Variants in MALRD1 observed in about 807,000 individuals in gnomAD.
The protein encoded by MALRD1 is MAM and LDL-receptor class A domain-containing protein 1.
Under a neutral mutation model 242.1 loss-of-function variants are expected in MALRD1, and 247 were observed. The ratio of observed to expected loss-of-function variants is 1.02; its 90% CI spans 0.92 to 1.13. The LOEUF (loss-of-function observed/expected upper bound fraction) is 1.13. MALRD1 is among the 50% of genes most tolerant of loss of function. The pLI, the probability that MALRD1 is intolerant of heterozygous loss-of-function variation, is 0.00. For synonymous variants in MALRD1, 995 were observed against 866.6 expected, an observed-to-expected ratio of 1.15 and a Z score of -2.60; for missense variants, 2,989 against 2,533.1, an observed-to-expected ratio of 1.18 and a Z score of -3.86.
At chr10:19,368,759 A>G (rs1204569124) in intron 26 of MALRD1, among the ~76,000 whole-genome samples, 6 of 151,370 alleles carry the variant, frequency 4.0e-5, no homozygotes, top group East Asian at 3.9e-4. Flanking sequence ...ATGTTTTTCC[A>G]TTCCTTTGTA....
chr10:19,096,819 A>G (rs904821118), intron 4 of MALRD1, among the ~76,000 whole-genome samples: 3 of 152,134 alleles, frequency 2.0e-5, no homozygotes, highest in Non-Finnish European at 2.9e-5. Context: ...ATGTCCAAAT[A>G]GGCGATTTCG....
At chr10:19,380,855 T>A (rs1845805031) in intron 26 of MALRD1, among the ~76,000 whole-genome samples, 1 of 152,052 alleles carries the variant, frequency 6.6e-6, no homozygotes, top group Admixed American at 6.6e-5. Flanking sequence ...ACATCTTAGG[T>A]TTTTCTTCTA....
intron 5 of MALRD1, among the ~76,000 whole-genome samples, chr10:19,108,939 G>C (rs1836574105): frequency 1.3e-5 from 2 of 152,008 alleles, no homozygotes; most frequent in African/African-American, 4.8e-5. Context: ...TGGAATAATT[G>C]CTCCTTCCAA....
At chr10:19,523,507 T>A (rs1348638065) in intron 31 of MALRD1, among the ~76,000 whole-genome samples, 4 of 152,214 alleles carry the variant, frequency 2.6e-5, no homozygotes, top group Non-Finnish European at 5.9e-5. Flanking sequence ...AAGTTTTACT[T>A]GTAATCTCAT....
chr10:19,437,903 C>T (rs1343583014), intron 28 of MALRD1, among the ~76,000 whole-genome samples: 3 of 152,096 alleles, frequency 2.0e-5, no homozygotes, highest in Non-Finnish European at 4.4e-5. Flanking sequence ...AGACCCAGTT[C>T]TTTACATCCT....
At chr10:19,105,776 A>T (rs1262638523) in intron 5 of MALRD1, among the ~76,000 whole-genome samples, 1 of 151,986 alleles carries the variant, frequency 6.6e-6, no homozygotes, top group Admixed American at 6.6e-5. Flanking sequence ...TTCCCTGAGG[A>T]TGAATGATGC....
At chr10:19,208,985 G>A (rs1588699759) in intron 17 of MALRD1, among the ~76,000 whole-genome samples, 1 of 152,072 alleles carries the variant, frequency 6.6e-6, no homozygotes, top group African/African-American at 2.4e-5. Context: ...CTGGAGTTAT[G>A]GTCATAGAAA....
At chr10:19,188,113 A>T (rs1378787055) in intron 14 of MALRD1, among the ~76,000 whole-genome samples, 1 of 152,090 alleles carries the variant, frequency 6.6e-6, no homozygotes, top group Non-Finnish European at 1.5e-5. Context: ...TTTAAATGAG[A>T]CTGGGAGCAT....
intron 36 of MALRD1, among the ~76,000 whole-genome samples, chr10:19,621,414 T>A (rs1336129612): frequency 6.8e-6 from 1 of 146,438 alleles, no homozygotes; most frequent in African/African-American, 2.5e-5. Context: ...CTGGATTAAC[T>A]GAATTGGTTG....
At chr10:19,423,582 G>A (rs1447933259) in intron 28 of MALRD1, among the ~76,000 whole-genome samples, 1 of 152,070 alleles carries the variant, frequency 6.6e-6, no homozygotes, top group Non-Finnish European at 1.5e-5. Flanking sequence ...GATGCTCTGA[G>A]TGTCTATAGA....
chr10:19,343,152 T>C (rs1843959322), intron 24 of MALRD1, among the ~76,000 whole-genome samples: 1 of 152,118 alleles, frequency 6.6e-6, no homozygotes, highest in Admixed American at 6.6e-5. Context: ...TTATGATTAT[T>C]ACTTCACAGA....
chr10:19,405,875 T>C (rs573600379), intron 28 of MALRD1, among the ~76,000 whole-genome samples: 3 of 152,062 alleles, frequency 2.0e-5, no homozygotes, highest in East Asian at 1.9e-4. Context: ...TTTTCCTTTT[T>C]GCTGGAGCGA....
At chr10:19,360,750 G>C (rs1003357084) in intron 26 of MALRD1, among the ~76,000 whole-genome samples, 12 of 151,946 alleles carry the variant, frequency 7.9e-5, no homozygotes, top group African/African-American at 2.7e-4. Context: ...TATTTACCCA[G>C]TGCATCAATT....
At chr10:19,419,011 A>G (rs896362367) in intron 28 of MALRD1, among the ~76,000 whole-genome samples, 12 of 152,254 alleles carry the variant, frequency 7.9e-5, no homozygotes, top group African/African-American at 2.9e-4. Flanking sequence ...TTCACTATTC[A>G]AAATCATTTG....
chr10:19,283,964 T>C (rs1465648599), intron 21 of MALRD1, among the ~76,000 whole-genome samples: 1 of 152,140 alleles, frequency 6.6e-6, no homozygotes, highest in East Asian at 1.9e-4. Flanking sequence ...TAGAAAGCGC[T>C]GCAGATGGTG....
At chr10:19,554,345 G>GGGA (rs1343907880) in intron 32 of MALRD1, among the ~76,000 whole-genome samples, 3 of 152,010 alleles carry the variant, frequency 2.0e-5, no homozygotes, top group Admixed American at 6.6e-5. Flanking sequence ...AAGAGGTGGA[G>GGGA]GGAGGAGGAG....
intron 26 of MALRD1, among the ~76,000 whole-genome samples, chr10:19,384,862 T>A (rs896283573): frequency 2.1e-4 from 31 of 151,216 alleles, no homozygotes; most frequent in Non-Finnish European, 5.9e-5. Flanking sequence ...GAGAAAGAAC[T>A]GAAAATTTTT....
chr10:19,630,418 T>A (rs1564499144), intron 36 of MALRD1, among the ~76,000 whole-genome samples: 1 of 152,160 alleles, frequency 6.6e-6, no homozygotes, highest in Non-Finnish European at 1.5e-5. Context: ...TAAGGTAGCA[T>A]GCTTTCTAAA....
At chr10:19,402,487 CT>C (rs1846906354) in intron 28 of MALRD1, among the ~76,000 whole-genome samples, 1 of 151,978 alleles carries the variant, frequency 6.6e-6, no homozygotes, top group Non-Finnish European at 1.5e-5. Context: ...TAAAACATGA[CT>C]TTGCTCCTCA....
Sources: gnomAD v4.1 joint callset for allele counts (sites outside exome capture counted in the v4.1 genomes callset) on GRCh38, gnomAD v4.1.1 for gene constraint, MANE v1.5 for transcripts, NCBI Gene and HGNC (gene_info 2026-07-23, HGNC 2026-07-21) for gene names.